Variants in RBMS3 observed in about 807,000 individuals in gnomAD.
RBMS3 encodes the protein RNA binding motif single stranded interacting protein 3.
RBMS3 carries 27 observed loss-of-function variants against 66.8 expected under a neutral mutation model. The observed-to-expected ratio is 0.40, with a 90% CI of 0.30 to 0.56. The LOEUF (loss-of-function observed/expected upper bound fraction) is 0.56. Ranked by LOEUF, RBMS3 falls within the 20% of genes least tolerant of loss-of-function variation. The probability of loss-of-function intolerance (pLI) is 0.40; values close to 1 mark genes in which losing one functional copy is unlikely to be tolerated. For missense variants in RBMS3, 513 were observed against 549.5 expected (o/e 0.93, Z 0.66); for synonymous variants, 188 against 183.0 (o/e 1.03, Z -0.22).
intron 1 of RBMS3, among the ~76,000 whole-genome samples, chr3:29,389,565 C>A (rs1366326469): frequency 6.6e-6 from 1 of 152,186 alleles, no homozygotes; most frequent in African/African-American, 2.4e-5. Flanking sequence ...GCAGGTCCCA[C>A]TCACTATCTT....
At chr3:29,814,259 T>C (rs1044705404) in intron 6 of RBMS3, among the ~76,000 whole-genome samples, 6 of 152,094 alleles carry the variant, frequency 3.9e-5, no homozygotes, top group African/African-American at 9.7e-5. Flanking sequence ...TTGTCTTTGG[T>C]TCTGTTTATA....
chr3:29,970,457 G>A lies in RBMS3; in HGVS notation c.1099-17686G>A, dbSNP rs1021064937. ...TATTTCATTAGTTTTATTTTTTTTCGAAGCTAATTCTTACACGCCTCTCTT... is the reference window on the plus strand; with the variant it reads ...TATTTCATTAGTTTTATTTTTTTTCAAAGCTAATTCTTACACGCCTCTCTT... On this transcript the variant is annotated intron_variant, in intron 12 of 14. Transcript: ENST00000383767. Among the ~76,000 whole-genome samples, 3 of 151,414 alleles carry A rather than the reference G, an allele frequency of 2.0e-5. No individual in the cohort carries two copies. The South Asian group carries it at 6.2e-4, about 31-fold the overall frequency.
intron 4 of RBMS3, among the ~76,000 whole-genome samples, chr3:29,671,116 G>A (rs2050982641): frequency 6.6e-6 from 1 of 152,234 alleles, no homozygotes; most frequent in Non-Finnish European, 1.5e-5. Flanking sequence ...TGCAGCCTCT[G>A]CTGGTGATAC....
At chr3:29,327,786 T>A (rs2035425038) in intron 1 of RBMS3, among the ~76,000 whole-genome samples, 1 of 152,152 alleles carries the variant, frequency 6.6e-6, no homozygotes, top group Non-Finnish European at 1.5e-5. Flanking sequence ...ATGCCCTGTT[T>A]CCTAGGTCCT....
At chr3:29,927,549 G>A (rs4299441) in intron 10 of RBMS3, among the ~76,000 whole-genome samples, 26,114 of 152,168 alleles carry the variant, frequency 0.17, 2,447 homozygotes, top group East Asian at 0.23. Context: ...GCAAGTGACC[G>A]GTAGCCTGGG....
chr3:29,311,760 T>C (rs907071297), intron 1 of RBMS3, among the ~76,000 whole-genome samples: 2 of 151,702 alleles, frequency 1.3e-5, no homozygotes, highest in Admixed American at 6.6e-5. Context: ...GAAGAGAAGA[T>C]TAGGGGGATT....
intron 6 of RBMS3, among the ~76,000 whole-genome samples, chr3:29,785,999 G>A (rs1008640732): frequency 2.6e-5 from 4 of 151,412 alleles, no homozygotes; most frequent in East Asian, 1.9e-4. Context: ...CAAAATTTCA[G>A]CATACAAAAT....
intron 1 of RBMS3, among the ~76,000 whole-genome samples, chr3:29,339,414 G>A (rs1473414743): frequency 6.6e-6 from 1 of 152,096 alleles, no homozygotes; most frequent in African/African-American, 2.4e-5. Context: ...CGCAGATGTG[G>A]AATTTCTGAA....
chr3:29,572,207 G>A (rs552616082), intron 3 of RBMS3, among the ~76,000 whole-genome samples: 78 of 152,020 alleles, frequency 5.1e-4, no homozygotes, highest in African/African-American at 1.7e-3. Flanking sequence ...ATATGAGATC[G>A]TATCATCTGC....
chr3:29,679,061 C>T (rs2051375719), intron 4 of RBMS3, among the ~76,000 whole-genome samples: 1 of 152,022 alleles, frequency 6.6e-6, no homozygotes, highest in Admixed American at 6.6e-5. Context: ...ATCACAGCTT[C>T]AGAATCACCT....
intron 3 of RBMS3, among the ~76,000 whole-genome samples, chr3:29,559,510 CAAAAAAAAAAAAAAAAAAAAAAAAAA>C (rs553520590): frequency 9.2e-4 from 38 of 41,338 alleles, no homozygotes; most frequent in South Asian, 3.4e-3. Flanking sequence ...GACTCTGTCT[CAAAAAAAAAAAAAAAAAAAAAAAAAA>C]AAAAAAAAAA....
intron 6 of RBMS3, among the ~76,000 whole-genome samples, chr3:29,803,017 T>C (rs1415568443): frequency 6.6e-6 from 1 of 152,168 alleles, no homozygotes; most frequent in African/African-American, 2.4e-5. Context: ...CGAACGGCTT[T>C]ATCTGAAAGC....
At chr3:29,988,958 A>G (rs1698631406) in intron 13 of RBMS3, among the ~76,000 whole-genome samples, 1 of 152,180 alleles carries the variant, frequency 6.6e-6, no homozygotes, top group African/African-American at 2.4e-5. Context: ...TGAGAGCTTT[A>G]AAAATATTGA....
At chr3:29,341,079 T>C (rs2036255075) in intron 1 of RBMS3, among the ~76,000 whole-genome samples, 1 of 152,040 alleles carries the variant, frequency 6.6e-6, no homozygotes, top group Admixed American at 6.6e-5. Context: ...TTTTTCTTGT[T>C]AAAGGAAAAT....
chr3:29,866,892 T>C (rs1225676503), intron 6 of RBMS3, among the ~76,000 whole-genome samples: 1 of 152,174 alleles, frequency 6.6e-6, no homozygotes, highest in Non-Finnish European at 1.5e-5. Flanking sequence ...CCACTTGTGT[T>C]CAGTGAGGCA....
chr3:29,991,977 G>C (rs1698907655), intron 14 of RBMS3, among the ~76,000 whole-genome samples: 2 of 152,080 alleles, frequency 1.3e-5, no homozygotes, highest in Admixed American at 1.3e-4. Flanking sequence ...AGTACATTTG[G>C]CTTTGTGTTG....
At position 29,697,647 on chromosome 3, in the gene RBMS3, T is replaced by C. The variant is rs141700935; in HGVS notation, c.400-42073T>C. On this transcript the variant is annotated intron_variant, in intron 4 of 14. Coordinates refer to ENST00000383767, the MANE Select transcript of RBMS3 (RefSeq NM_001003793.3). The stretch of plus-strand genomic sequence containing the variant: ...GAATATTTGCATATATGCAATGAGA[T>C]ATTCTGGGTATGGGACCCATGTCTA... 4.6e-5 allele frequency among the ~76,000 whole-genome samples: 7 copies of C among 152,360 alleles called. No individual in the cohort carries two copies. In the East Asian group the frequency reaches 1.3e-3, roughly 29 times the overall value.
intron 3 of RBMS3, among the ~76,000 whole-genome samples, chr3:29,552,983 C>T (rs2046227404): frequency 6.6e-6 from 1 of 152,114 alleles, no homozygotes; most frequent in Non-Finnish European, 1.5e-5. Flanking sequence ...GGTAGGTTAA[C>T]TTACTACTCT....
intron 10 of RBMS3, among the ~76,000 whole-genome samples, chr3:29,923,883 C>A (rs1192632363): frequency 6.6e-6 from 1 of 151,920 alleles, no homozygotes; most frequent in Non-Finnish European, 1.5e-5. Flanking sequence ...GTTAAAGGAG[C>A]AGTGAGGAAA....
Sources: allele counts gnomAD v4.1 joint callset (sites outside exome capture counted in the v4.1 genomes callset), GRCh38; gene constraint gnomAD v4.1.1; transcripts MANE v1.5; gene names NCBI Gene and HGNC (gene_info 2026-07-23, HGNC 2026-07-21).